Variants in POLE2 observed in about 807,000 individuals in gnomAD.
POLE2 encodes DNA polymerase epsilon subunit 2.
A neutral mutation model predicts 79.4 loss-of-function variants in POLE2; 56 were observed. The observed-to-expected ratio is 0.71, with a 90% CI of 0.57 to 0.88. The LOEUF is 0.88. Ranked by LOEUF, POLE2 falls within the 40% of genes least tolerant of loss-of-function variation. POLE2 has a pLI of 0.00. For synonymous variants in POLE2, 212 were observed against 214.0 expected, an observed-to-expected ratio of 0.99 and a Z score of 0.08; for missense variants, 598 against 638.9, an observed-to-expected ratio of 0.94 and a Z score of 0.69.
chr14:49,672,585 C>T lies in POLE2; in HGVS notation c.417+1538G>A, dbSNP rs183186946. 6.7e-3 allele frequency among the ~76,000 whole-genome samples: 1,024 copies of T among 151,930 alleles called. 47 individuals are homozygous for T. The highest frequency in any genetic ancestry group is 0.061 in the Admixed American group (931 of 15,226). On this transcript the variant is annotated intron_variant, in intron 5 of 18. Coordinates refer to ENST00000216367, the MANE Select transcript of POLE2 (RefSeq NM_002692.4). The stretch of plus-strand genomic sequence containing the variant: ...CGCCATCTTGGCTCACCATAACCTC[C>T]GCCTCCCAGGTTCAAGCGATTCTCC...
intron 11 of POLE2, 70 bp downstream of exon 11, chr14:49,655,601 A>T (rs1884602640): frequency 1.0e-6 from 1 of 985,166 alleles, no homozygotes; most frequent in East Asian, 2.5e-5. Context: ...AGATAAATAG[A>T]ATACTCAAAA....
At chr14:49,653,640 T>TTTTTTTG (rs1395641968) in intron 15 of POLE2, among the ~76,000 whole-genome samples, 2 of 151,892 alleles carry the variant, frequency 1.3e-5, no homozygotes, top group Non-Finnish European at 2.9e-5. Context: ...GTTTTTTTTG[T>TTTTTTTG]TTTTTTGTTT....
intron 18 of POLE2, among the ~76,000 whole-genome samples, chr14:49,646,302 G>GGTT (rs1883757411): frequency 1.2e-5 from 1 of 84,554 alleles, no homozygotes; most frequent in South Asian, 5.2e-4. Context: ...TTTTTTGTTG[G>GGTT]TTTTTTTTTT....
chr14:49,654,712 A>C, intron 13 of POLE2, 72 bp downstream of exon 13: 1 of 1,451,590 alleles, frequency 6.9e-7, no homozygotes, highest in African/African-American at 1.5e-5. Flanking sequence ...AATTGCTGAT[A>C]TAACAAAATT....
At chr14:49,670,095 C>A (rs1185891005) in intron 5 of POLE2, among the ~76,000 whole-genome samples, 1 of 152,076 alleles carries the variant, frequency 6.6e-6, no homozygotes, top group African/African-American at 2.4e-5. Flanking sequence ...GAGGGCGGAT[C>A]ACCTGAGGTC....
chr14:49,661,861 C>G (rs986222898), intron 10 of POLE2, among the ~76,000 whole-genome samples: 7 of 152,042 alleles, frequency 4.6e-5, no homozygotes, highest in African/African-American at 1.7e-4. Context: ...TAAGCATATA[C>G]TAAGCAGTTG....
At chr14:49,683,346 G>A (rs1886872153) in intron 2 of POLE2, among the ~76,000 whole-genome samples, 1 of 151,776 alleles carries the variant, frequency 6.6e-6, no homozygotes, top group Non-Finnish European at 1.5e-5. Flanking sequence ...GGGTTGCAGT[G>A]AGCCAAGATA....
intron 3 of POLE2, chr14:49,679,468 C>A: frequency 2.8e-6 from 1 of 358,080 alleles, no homozygotes; most frequent in Non-Finnish European, 5.0e-6. Flanking sequence ...GTCAGATCAA[C>A]CGGTTGGGTA....
intron 7 of POLE2, 126 bp from the exon 8 acceptor site, chr14:49,665,289 ATTTC>A (rs1286706704): frequency 2.0e-5 from 12 of 603,874 alleles, no homozygotes; most frequent in Non-Finnish European, 3.3e-5. Context: ...ATCAGCTATT[ATTTC>A]TAGTCCAGGC....
chr14:49,662,039 C>T (rs570621910), intron 10 of POLE2, among the ~76,000 whole-genome samples: 19 of 152,262 alleles, frequency 1.2e-4, no homozygotes, highest in Non-Finnish European at 2.6e-4. Flanking sequence ...AATACCATGA[C>T]AATGGCAATT....
intron 2 of POLE2, among the ~76,000 whole-genome samples, chr14:49,682,942 G>C (rs1460909512): frequency 6.6e-6 from 1 of 151,000 alleles, no homozygotes; most frequent in East Asian, 1.9e-4. Flanking sequence ...CATGGTAATA[G>C]CCACTAGGAG....
rs149730231 is a variant in POLE2, at chr14:49,669,567, G to A, written c.449C>T (p.Pro150Leu). The stretch of plus-strand genomic sequence containing the variant: ...TTCATCAGGGTGAGAACCTATCACC[G>A]GAGGAGTAAATAATTCATGCCTGTG... ...RTHRHELFTP[P>L]VIGSHPDESG... The change falls in exon 6 of 19, where the codon CCG (proline) becomes CTG (leucine). Residue 150 changes from proline to leucine, a missense_variant. By Grantham distance (98) the Pro-to-Leu change is moderately conservative. Coordinates refer to ENST00000216367, the MANE Select transcript of POLE2 (RefSeq NM_002692.4). 3.3e-5 allele frequency: 52 copies of A among 1,598,336 alleles called. No homozygotes were observed. Among genetic ancestry groups the A allele is most frequent in the Middle Eastern group, 1.7e-4 (1 of 6,030 alleles).
intron 18 of POLE2, among the ~76,000 whole-genome samples, chr14:49,646,302 G>GTTTTTTTTGTTTTTTTTTTTTTTTTT (rs1883758731): frequency 2.4e-5 from 2 of 84,554 alleles, no homozygotes; most frequent in Admixed American, 1.2e-4. Context: ...TTTTTTGTTG[G>GTTTTTTTTGTTTTTTTTTTTTTTTTT]TTTTTTTTTT....
chr14:49,679,641 A>G (rs751351416), intron 3 of POLE2, 84 bp downstream of exon 3: 2 of 710,212 alleles, frequency 2.8e-6, no homozygotes, highest in South Asian at 1.6e-5. Flanking sequence ...AACGTTGATC[A>G]CTAATAATTT....
At chr14:49,664,426 C>A (rs1350677015) in intron 9 of POLE2, among the ~76,000 whole-genome samples, 200 bp downstream of exon 9, 1 of 151,556 alleles carries the variant, frequency 6.6e-6, no homozygotes, top group Non-Finnish European at 1.5e-5. Context: ...GTAGCCATTA[C>A]TACTATCTAA....
At chr14:49,666,253 A>G (rs1262178096) in intron 7 of POLE2, 77 bp downstream of exon 7, 7 of 735,618 alleles carry the variant, frequency 9.5e-6, no homozygotes, top group East Asian at 8.2e-5. Context: ...TCCTGTGCCC[A>G]CTACAAAAAT....
intron 10 of POLE2, among the ~76,000 whole-genome samples, chr14:49,662,282 G>C (rs1434424525): frequency 6.6e-6 from 1 of 152,194 alleles, no homozygotes; most frequent in Non-Finnish European, 1.5e-5. Flanking sequence ...AATTTATACA[G>C]GCATACTAAA....
At chr14:49,651,121 A>G (rs1202329238) in intron 16 of POLE2, 148 bp downstream of exon 16, 1 of 498,332 alleles carries the variant, frequency 2.0e-6, no homozygotes, top group Non-Finnish European at 3.7e-6. Flanking sequence ...CTTCACTAAC[A>G]AAAATTAACT....
chr14:49,665,125 T>C lies in POLE2; in HGVS notation c.615A>G (p.Gln205=), dbSNP rs773466831. The part of the protein sequence containing the change: ...FFLEDPTGTV[Q]LDLSKAQFHS... Reference sequence around the variant, plus strand: ...AGGATATAGCTTTACTAAGGTCTAGTTGGACTGTTCCAGTAGGATCTTCCA... The same window carrying C: ...AGGATATAGCTTTACTAAGGTCTAGCTGGACTGTTCCAGTAGGATCTTCCA... The change falls in exon 8 of 19, where the codon CAA becomes CAG. Residue 205 remains glutamine, a synonymous_variant. Coordinates refer to ENST00000216367, the MANE Select transcript of POLE2 (RefSeq NM_002692.4). 3 of 1,418,430 alleles carry C rather than the reference T, an allele frequency of 2.1e-6. No individual in the cohort carries two copies. In the East Asian group the frequency reaches 6.8e-5, roughly 32 times the overall value. The allele number at this position is 1,418,430 out of a possible 1,614,324, so 87.9% of individuals were successfully genotyped here. A position where few individuals can be genotyped will look rare whatever the true frequency, so the allele number is the denominator to read the frequency against.
Sources: gnomAD v4.1 joint callset for allele counts (sites outside exome capture counted in the v4.1 genomes callset) on GRCh38, gnomAD v4.1.1 for gene constraint, MANE v1.5 for transcripts, NCBI Gene and HGNC (gene_info 2026-07-23, HGNC 2026-07-21) for gene names.